Variants in CLVS1 observed in about 807,000 individuals in gnomAD.
The protein encoded by CLVS1 is clavesin-1.
Under a neutral mutation model 33.1 loss-of-function variants are expected in CLVS1, and 10 were observed. The observed-to-expected ratio is 0.30, with a 90% CI of 0.19 to 0.51. The LOEUF is 0.51. CLVS1 is among the 20% of genes least tolerant of loss of function. The pLI is 0.97. For synonymous variants in CLVS1, 163 were observed against 166.1 expected, an observed-to-expected ratio of 0.98 and a Z score of 0.14; for missense variants, 343 against 433.4, an observed-to-expected ratio of 0.79 and a Z score of 1.85.
intron 3 of CLVS1, among the ~76,000 whole-genome samples, chr8:61,432,135 A>T (rs564215785): frequency 1.3e-5 from 2 of 152,324 alleles, no homozygotes; most frequent in South Asian, 2.1e-4. Flanking sequence ...ATGGATGAAA[A>T]CAGCTATATA....
intron 5 of CLVS1, among the ~76,000 whole-genome samples, chr8:61,482,288 G>A (rs1298219962): frequency 6.6e-6 from 1 of 152,200 alleles, no homozygotes. Flanking sequence ...AAATCAGAGT[G>A]CCTCTTCTCC....
At chr8:61,359,599 A>G (rs1384321999) in intron 2 of CLVS1, among the ~76,000 whole-genome samples, 1 of 152,048 alleles carries the variant, frequency 6.6e-6, no homozygotes, top group Non-Finnish European at 1.5e-5. Context: ...TGGGTGATCC[A>G]CCTGCCTCGG....
At chr8:61,104,128 C>G (rs1220322026) in intron 1 of CLVS1, among the ~76,000 whole-genome samples, 2 of 152,174 alleles carry the variant, frequency 1.3e-5, no homozygotes, top group Non-Finnish European at 2.9e-5. Context: ...AAATTTAGCT[C>G]ATTGTTCTTC....
intron 2 of CLVS1, among the ~76,000 whole-genome samples, chr8:61,245,848 C>T (rs1272493922): frequency 1.3e-5 from 2 of 151,930 alleles, no homozygotes; most frequent in Non-Finnish European, 2.9e-5. Context: ...CGGTCATTGA[C>T]ACCTTGACCT....
intron 1 of CLVS1, among the ~76,000 whole-genome samples, chr8:61,298,352 T>C (rs1409188000): frequency 3.3e-5 from 5 of 152,224 alleles, no homozygotes; most frequent in African/African-American, 1.2e-4. Flanking sequence ...AGATAAATGC[T>C]ATTTTCTTAC....
the CLVS1 span, among the ~76,000 whole-genome samples, chr8:61,027,161 A>T: frequency 6.6e-6 from 1 of 152,224 alleles, no homozygotes; most frequent in East Asian, 1.9e-4. Flanking sequence ...AAGGAAATGA[A>T]CATGATGGAT....
At chr8:61,078,107 G>A (rs939975463) in intron 1 of CLVS1, among the ~76,000 whole-genome samples, 2 of 152,188 alleles carry the variant, frequency 1.3e-5, no homozygotes, top group Non-Finnish European at 2.9e-5. Context: ...GTCAGGATCC[G>A]AGGCAGGCCT....
chr8:61,073,325 GC>G (rs1360369428), intron 1 of CLVS1, among the ~76,000 whole-genome samples: 1 of 152,134 alleles, frequency 6.6e-6, no homozygotes, highest in African/African-American at 2.4e-5. Flanking sequence ...GTAGCTTTAG[GC>G]CTCTACAAAC....
At chr8:61,498,729 G>A (rs927383965) in intron 5 of CLVS1, among the ~76,000 whole-genome samples, 1 of 152,164 alleles carries the variant, frequency 6.6e-6, no homozygotes, top group African/African-American at 2.4e-5. Flanking sequence ...ATTATTAGTT[G>A]TAGTCGTCTT....
upstream of CLVS1, among the ~76,000 whole-genome samples, chr8:61,284,111 CAGAT>C (rs1172235277): frequency 1.3e-5 from 2 of 152,170 alleles, no homozygotes; most frequent in South Asian, 2.1e-4. Context: ...TGACATAAGT[CAGAT>C]AGAGAAAGAA....
intron 2 of CLVS1, among the ~76,000 whole-genome samples, chr8:61,185,401 G>A (rs962302763): frequency 6.7e-6 from 1 of 149,676 alleles, no homozygotes; most frequent in Non-Finnish European, 1.5e-5. Context: ...CTATCCTCCC[G>A]CCTCGGCCTC....
chr8:61,416,488 A>T (rs888456699), intron 3 of CLVS1, among the ~76,000 whole-genome samples: 1 of 152,244 alleles, frequency 6.6e-6, no homozygotes, highest in African/African-American at 2.4e-5. Flanking sequence ...CTTGCAAAAT[A>T]TGAAACACTG....
the CLVS1 span, among the ~76,000 whole-genome samples, chr8:61,047,607 C>A: frequency 1.3e-5 from 2 of 152,158 alleles, no homozygotes; most frequent in Admixed American, 1.3e-4. Flanking sequence ...GAATACTATG[C>A]AGCCATAAAA....
chr8:61,291,892 T>C, intron 1 of CLVS1: 1 of 169,454 alleles, frequency 5.9e-6, no homozygotes, highest in East Asian at 1.5e-4. Context: ...GCATGAGTTC[T>C]AGCCTCAGAG....
chr8:61,351,740 T>A (rs1812472439), intron 2 of CLVS1, among the ~76,000 whole-genome samples: 6 of 151,998 alleles, frequency 3.9e-5, no homozygotes, highest in Admixed American at 3.3e-4. Flanking sequence ...GACACTGAAT[T>A]TTCATCTGAA....
intron 2 of CLVS1, among the ~76,000 whole-genome samples, chr8:61,359,898 G>T (rs370737514): frequency 1.3e-5 from 2 of 152,104 alleles, no homozygotes; most frequent in African/African-American, 2.4e-5. Context: ...CCTGCCTGGC[G>T]TTCCTAGGCA....
At chr8:61,214,457 A>G (rs1808042473) in intron 2 of CLVS1, among the ~76,000 whole-genome samples, 1 of 152,138 alleles carries the variant, frequency 6.6e-6, no homozygotes, top group Admixed American at 6.5e-5. Flanking sequence ...GCTTAAGGAA[A>G]ATAGAAAAGA....
At chr8:61,121,872 A>G (rs1414399496) in intron 1 of CLVS1, among the ~76,000 whole-genome samples, 3 of 152,238 alleles carry the variant, frequency 2.0e-5, no homozygotes, top group African/African-American at 7.2e-5. Context: ...AAAAAGCTGC[A>G]TGAATGTGTG....
intron 5 of CLVS1, among the ~76,000 whole-genome samples, chr8:61,474,133 T>G (rs888106353): frequency 9.9e-5 from 15 of 152,118 alleles, no homozygotes; most frequent in African/African-American, 3.6e-4. Context: ...AGTATTTGAA[T>G]GTCATACAGC....
Sources: gnomAD v4.1 joint callset for allele counts (sites outside exome capture counted in the v4.1 genomes callset) on GRCh38, gnomAD v4.1.1 for gene constraint, MANE v1.5 for transcripts, NCBI Gene and HGNC (gene_info 2026-07-23, HGNC 2026-07-21) for gene names.